DST: variants seen among roughly 807,000 people sequenced by gnomAD.
DST encodes bullous pemphigoid antigen.
A neutral mutation model predicts 875.2 loss-of-function variants in DST; 253 were observed. The observed-to-expected ratio is 0.29, with a 90% CI of 0.26 to 0.32. DST has a LOEUF of 0.32. Ranked by LOEUF, DST falls within the 10% of genes least tolerant of loss-of-function variation. The pLI is 1.00. For synonymous variants in DST, 3,124 were observed against 3,197.1 expected, an observed-to-expected ratio of 0.98 and a Z score of 0.77; for missense variants, 8,287 against 9,111.6, an observed-to-expected ratio of 0.91 and a Z score of 3.68.
intron 4 of DST, chr6:56,742,338 C>T (rs916361490): frequency 3.1e-6 from 4 of 1,289,798 alleles, no homozygotes; most frequent in Non-Finnish European, 4.0e-6. Flanking sequence ...GCTGCCCCAT[C>T]ATTCTGCAGG....
Position 56,615,663 on chromosome 6 carries a change from T to C in DST, c.4930-1179A>G, listed in dbSNP as rs761701966. The stretch of plus-strand genomic sequence containing the variant: ...CTTTTTGTCTGAGGGCATATTATAT[T>C]TCTGACATATGACTTTTGATCTTTG... On this transcript the variant is annotated intron_variant, in intron 36 of 103. Transcript: ENST00000680361. 6 of 1,614,118 alleles carry C rather than the reference T, an allele frequency of 3.7e-6. No homozygotes were observed. The Admixed American group carries it at 1.0e-4, about 27-fold the overall frequency.
In DST at chr6:56,895,039, C is replaced by A. The variant is rs1375437213; in HGVS notation, c.417+5382G>T. Among the ~76,000 whole-genome samples the A allele has an allele frequency of 3.5e-5, 4 of 113,402 alleles. 1 individual carries two copies. The highest frequency in any genetic ancestry group is 1.8e-4 in the African/African-American group (4 of 22,388). The allele number at this position is 113,402 out of a possible 152,430, so 74.4% of individuals were successfully genotyped here. On this transcript the variant is annotated intron_variant, in intron 3 of 103. Coordinates refer to ENST00000680361, the MANE Select transcript of DST (RefSeq NM_001374736.1). ...GCTGGCCGGGCGGGGGGTTGACCCC[C>A]CACCTCCCTCCTGGACGGGGCGACT...
At chr6:56,759,620 A>G (rs34803237) in intron 4 of DST, among the ~76,000 whole-genome samples, 17,749 of 152,204 alleles carry the variant, frequency 0.12, 1,415 homozygotes, top group Middle Eastern at 0.19. Context: ...GAGACCTCTA[A>G]TATATTACAA....
At chr6:56,776,765 ATTAT>A (rs1315419576) in intron 4 of DST, among the ~76,000 whole-genome samples, 4 of 152,180 alleles carry the variant, frequency 2.6e-5, no homozygotes, top group African/African-American at 4.8e-5. Context: ...CTACACCTAA[ATTAT>A]TTATTTTTAT....
intron 3 of DST, among the ~76,000 whole-genome samples, chr6:56,888,460 T>A (rs1310155568): frequency 6.6e-6 from 1 of 152,200 alleles, no homozygotes; most frequent in Non-Finnish European, 1.5e-5. Flanking sequence ...AGCTTTGGAT[T>A]TGCTAGTTAA....
chr6:56,557,434 T>C lies in DST; in HGVS notation c.14525A>G (p.Gln4842Arg), dbSNP rs1388165620. 1.2e-6 allele frequency: 2 copies of C among 1,613,770 alleles called. No homozygotes were observed. Among genetic ancestry groups the C allele is most frequent in the Non-Finnish European group, 1.7e-6 (2 of 1,179,710 alleles). ...CTGTTTCAATTGGGCCTCTACAGTC[T>C]GGAACTGGGTTAGATTATTGGAGGA... ...EESSNNLTQF[Q>R]TVEAQLKQWL... Residue 4842 changes from glutamine (Q) to arginine (R), a missense_variant, in exon 59 of 104, where the codon CAG becomes CGG. Transcript: ENST00000680361.
At chr6:56,476,863 A>G (rs1055019293) in intron 91 of DST, among the ~76,000 whole-genome samples, 2 of 152,148 alleles carry the variant, frequency 1.3e-5, no homozygotes, top group Admixed American at 1.3e-4. Flanking sequence ...GAGGCAGAGG[A>G]ACTGCTTGAA....
At chr6:56,892,396 T>A (rs1788022475) in intron 3 of DST, among the ~76,000 whole-genome samples, 2 of 151,186 alleles carry the variant, frequency 1.3e-5, no homozygotes, top group African/African-American at 4.9e-5. Context: ...TGATCATGGC[T>A]TACTGCAGCC....
intron 2 of DST, among the ~76,000 whole-genome samples, chr6:56,938,741 C>T (rs1019554748): frequency 6.6e-6 from 1 of 152,336 alleles, no homozygotes; most frequent in African/African-American, 2.4e-5. Flanking sequence ...CAAGAGGCCT[C>T]ATGCACTTCC....
intron 2 of DST, among the ~76,000 whole-genome samples, chr6:56,914,256 T>A (rs529471459): frequency 1.3e-5 from 2 of 152,272 alleles, no homozygotes; most frequent in South Asian, 4.2e-4. Flanking sequence ...CAACATTGCA[T>A]CCATATTAAA....
chr6:56,773,132 G>C (rs750963287), intron 4 of DST, among the ~76,000 whole-genome samples: 3 of 152,010 alleles, frequency 2.0e-5, no homozygotes, highest in Non-Finnish European at 2.9e-5. Context: ...CACCTGATGG[G>C]AGACCCTGAG....
intron 92 of DST, chr6:56,474,371 C>G (rs1413441662): frequency 1.8e-5 from 3 of 165,030 alleles, no homozygotes; most frequent in African/African-American, 7.2e-5. Flanking sequence ...GTAGTCCCAG[C>G]TACTTGGGAG....
chr6:56,681,623 T>C (rs1171455726), intron 9 of DST, among the ~76,000 whole-genome samples: 3 of 152,226 alleles, frequency 2.0e-5, no homozygotes, highest in Admixed American at 2.0e-4. Context: ...TGTCTCTTGT[T>C]AGATCTTCTA....
Position 56,555,390 on chromosome 6 carries a change from G to C in DST, c.15091C>G (p.Leu5031Val). The change falls in exon 60 of 104, where the codon CTA (leucine) becomes GTA (valine). Residue 5031 changes from leucine to valine, a missense_variant. This residue lies in a region of DST where 1,513 missense variants were observed against 1,677.8 expected (regional missense o/e 0.90). Transcript: ENST00000680361. ...EYLKAELSRQ[L>V]EGILKSFKDV... is the part of the protein sequence containing the mutation. ...TTAAATGATTTTAAGATGCCTTCTA[G>C]TTGCCTACTAAGTTCTGCTTTCAAG... 1 of 1,607,990 alleles carries C rather than the reference G, an allele frequency of 6.2e-7. No individual in the cohort carries two copies. The highest frequency in any genetic ancestry group is 1.7e-5 in the Admixed American group (1 of 59,502).
rs2152398950 is a variant in DST, at chr6:56,472,073, C to T, written c.22144G>A (p.Asp7382Asn). The change falls in exon 94 of 104, where the codon GAC (aspartate) becomes AAC (asparagine). Residue 7382 changes from aspartate (D) to asparagine (N), a missense_variant. Coordinates refer to ENST00000680361, the MANE Select transcript of DST (RefSeq NM_001374736.1). ...AATTTCCAAACCTCCTCTAGTCTGT[C>T]CAAGGCATCATTGAGTTTCCTCCTT... ...ERRRKLNDAL[D>N]RLEELREFAN... 1 of 1,613,930 alleles carries T rather than the reference C, an allele frequency of 6.2e-7. No individual in the cohort carries two copies. The highest frequency in any genetic ancestry group is 2.2e-5 in the East Asian group (1 of 44,886).
intron 4 of DST, among the ~76,000 whole-genome samples, chr6:56,819,228 C>A (rs754043027): frequency 1.3e-5 from 2 of 152,148 alleles, no homozygotes; most frequent in African/African-American, 4.8e-5. Context: ...AGCTCTGACA[C>A]GGCTAAAACA....
At chr6:56,675,006 T>G (rs945304796) in intron 9 of DST, among the ~76,000 whole-genome samples, 1 of 152,134 alleles carries the variant, frequency 6.6e-6, no homozygotes, top group Non-Finnish European at 1.5e-5. Flanking sequence ...CCACCTGACT[T>G]CAAAATATAC....
At chr6:56,889,631 T>A (rs1786337009) in intron 3 of DST, among the ~76,000 whole-genome samples, 1 of 152,204 alleles carries the variant, frequency 6.6e-6, no homozygotes. Flanking sequence ...GCTGTTGCAG[T>A]GTGCAAAAAA....
At chr6:56,888,903 A>C (rs1785932602) in intron 3 of DST, among the ~76,000 whole-genome samples, 1 of 152,192 alleles carries the variant, frequency 6.6e-6, no homozygotes, top group Non-Finnish European at 1.5e-5. Context: ...GAGTTCAGGG[A>C]AGGGAAAATC....
Sources: gnomAD v4.1 joint callset for allele counts (sites outside exome capture counted in the v4.1 genomes callset) on GRCh38, gnomAD v4.1.1 for gene constraint, gnomAD v4.1.1 regional missense constraint, MANE v1.5 for transcripts, NCBI Gene and HGNC (gene_info 2026-07-23, HGNC 2026-07-21) for gene names.